Variants in TANC2 observed in about 807,000 individuals in gnomAD.
TANC2 encodes tetratricopeptide repeat, ankyrin repeat and coiled-coil containing 2.
TANC2 carries 26 observed loss-of-function variants against 210.5 expected under a neutral mutation model. The ratio of observed to expected loss-of-function variants is 0.12; its 90% CI spans 0.09 to 0.17. The LOEUF (loss-of-function observed/expected upper bound fraction) is 0.17. Among genes scored for constraint, TANC2 ranks in the 10% least tolerant of loss-of-function variants. The pLI, the probability that TANC2 is intolerant of heterozygous loss-of-function variation, is 1.00. For synonymous variants in TANC2, 931 were observed against 967.1 expected, an observed-to-expected ratio of 0.96 and a Z score of 0.69; for missense variants, 2,129 against 2,608.9, an observed-to-expected ratio of 0.82 and a Z score of 4.01.
chr17:63,210,402 C>T (rs2041848628), intron 7 of TANC2, among the ~76,000 whole-genome samples: 1 of 152,224 alleles, frequency 6.6e-6, no homozygotes, highest in Admixed American at 6.5e-5. Context: ...TTATCCCTCC[C>T]TTCTCTGGAT....
intron 7 of TANC2, among the ~76,000 whole-genome samples, chr17:63,230,132 C>T (rs2042433970): frequency 6.6e-6 from 1 of 152,026 alleles, no homozygotes; most frequent in African/African-American, 2.4e-5. Flanking sequence ...GTGGTGATAT[C>T]CCTTTTATCA....
chr17:63,130,842 T>C (rs1035213141), intron 4 of TANC2: 6 of 152,220 alleles, frequency 3.9e-5, no homozygotes, highest in Non-Finnish European at 7.3e-5. Context: ...TGTGGTAATA[T>C]ACATACCTTA....
chr17:63,187,894 G>C (rs1025470850), intron 5 of TANC2, among the ~76,000 whole-genome samples: 2 of 152,130 alleles, frequency 1.3e-5, no homozygotes, highest in Non-Finnish European at 2.9e-5. Context: ...TTTAGGAATA[G>C]CATCTTTAAA....
chr17:63,338,238 G>A (rs895513246), intron 11 of TANC2, among the ~76,000 whole-genome samples: 8 of 152,290 alleles, frequency 5.3e-5, no homozygotes, highest in African/African-American at 1.9e-4. Flanking sequence ...CACCAACAGT[G>A]TATAAGCATT....
At position 63,119,140 on chromosome 17, in the gene TANC2, G is replaced by A. The variant is rs112835392; in HGVS notation, c.322+19783G>A. Among the ~76,000 whole-genome samples the A allele has an allele frequency of 2.1e-3, 322 of 152,204 alleles. 1 individual carries two copies. The highest frequency in any genetic ancestry group is 7.1e-3 in the African/African-American group (293 of 41,536). On this transcript the variant is annotated intron_variant, in intron 4 of 27. Coordinates refer to ENST00000689528, the Ensembl canonical transcript of TANC2. The stretch of plus-strand genomic sequence containing the variant: ...GATGAAGTCTCATGTTGCCTAGGCT[G>A]ATCTCAAACTTGGGCTCAAGCAGTC...
At chr17:63,255,879 CATT>C (rs1188872361) in intron 8 of TANC2, among the ~76,000 whole-genome samples, 1 of 144,308 alleles carries the variant, frequency 6.9e-6, no homozygotes, top group Non-Finnish European at 1.5e-5. Flanking sequence ...TAAGAAGCAT[CATT>C]AAGTTGTTTA....
chr17:63,137,682 C>A (rs1255446637), intron 4 of TANC2, among the ~76,000 whole-genome samples: 1 of 152,110 alleles, frequency 6.6e-6, no homozygotes, highest in Non-Finnish European at 1.5e-5. Context: ...TGCTTTGATT[C>A]TCTATACTAT....
intron 7 of TANC2, among the ~76,000 whole-genome samples, chr17:63,218,817 C>T (rs757626804): frequency 1.4e-4 from 21 of 151,948 alleles, no homozygotes; most frequent in Admixed American, 2.6e-4. Context: ...TCGCTAGAAC[C>T]CAGGAGACAG....
chr17:62,996,999 T>TTTTTTTTTTTTTTTTTTTTG (rs1241944607), intron 1 of TANC2, among the ~76,000 whole-genome samples: 7 of 144,132 alleles, frequency 4.9e-5, no homozygotes, highest in African/African-American at 7.9e-5. Flanking sequence ...ATTTTTAGTA[T>TTTTTTTTTTTTTTTTTTTTG]AGATGGGGTT....
At chr17:63,154,506 T>C (rs776266553) in intron 5 of TANC2, 5 of 152,160 alleles carry the variant, frequency 3.3e-5, no homozygotes, top group Non-Finnish European at 5.9e-5. Flanking sequence ...CTACACTCTA[T>C]CACTTTTCTA....
intron 9 of TANC2, among the ~76,000 whole-genome samples, chr17:63,279,866 T>G (rs575562135): frequency 1.2e-3 from 178 of 152,232 alleles, no homozygotes; most frequent in Non-Finnish European, 2.1e-3. Context: ...GGTCTTAGAT[T>G]GAGAATCATC....
intron 1 of TANC2, among the ~76,000 whole-genome samples, chr17:62,989,330 C>G (rs2032736423): frequency 1.3e-5 from 2 of 152,144 alleles, no homozygotes; most frequent in Non-Finnish European, 2.9e-5. Flanking sequence ...GGCGGCATTG[C>G]CATCTGTATT....
intron 14 of TANC2, among the ~76,000 whole-genome samples, 177 bp from the exon 15 acceptor site, chr17:63,379,541 C>T (rs1291773335): frequency 2.0e-5 from 3 of 152,082 alleles, no homozygotes; most frequent in South Asian, 2.1e-4. Flanking sequence ...TGGTGGCAGG[C>T]GCCTGTAATC....
rs574908920 is a variant in TANC2, at chr17:63,052,103, A to G, written c.68-21840A>G. ...GAAAGTCTATGTAGGAAGAGGAATG[A>G]CATCTTTCAGTAAAAGGAACTTGTT... On this transcript the variant is annotated intron_variant, in intron 2 of 27. Coordinates refer to ENST00000689528, the Ensembl canonical transcript of TANC2. Among the ~76,000 whole-genome samples the G allele has an allele frequency of 2.6e-5, 4 of 152,290 alleles. No individual in the cohort carries two copies. In the South Asian group the frequency reaches 8.3e-4, roughly 32 times the overall value.
chr17:63,353,492 ATGT>A (rs2046682850), intron 13 of TANC2, among the ~76,000 whole-genome samples: 1 of 152,150 alleles, frequency 6.6e-6, no homozygotes, highest in African/African-American at 2.4e-5. Flanking sequence ...CCAAATGTAA[ATGT>A]TGAGTAGACA....
intron 13 of TANC2, among the ~76,000 whole-genome samples, chr17:63,353,365 GA>G (rs529317617): frequency 8.3e-4 from 127 of 152,284 alleles, no homozygotes; most frequent in Admixed American, 1.6e-3. Context: ...AAAGATCACA[GA>G]TATCTTCTAG....
chr17:63,349,917 TAC>T (rs2046544079), intron 12 of TANC2, among the ~76,000 whole-genome samples: 1 of 152,214 alleles, frequency 6.6e-6, no homozygotes, highest in South Asian at 2.1e-4. Flanking sequence ...TCATCTAGAA[TAC>T]CACTCCATTA....
At chr17:63,390,651 G>T (rs1388221966) in intron 17 of TANC2, 1 of 152,082 alleles carries the variant, frequency 6.6e-6, no homozygotes, top group African/African-American at 2.4e-5. Flanking sequence ...TTTTGTAGAG[G>T]CAGGGTCTTG....
At chr17:63,080,699 G>A (rs369945951) in intron 3 of TANC2, among the ~76,000 whole-genome samples, 32 of 152,254 alleles carry the variant, frequency 2.1e-4, no homozygotes, top group African/African-American at 7.5e-4. Flanking sequence ...TTATTCTTCA[G>A]TCTGGAAAGT....
Sources: gnomAD v4.1 joint callset for allele counts (sites outside exome capture counted in the v4.1 genomes callset) on GRCh38, gnomAD v4.1.1 for gene constraint, MANE v1.5 for transcripts, NCBI Gene and HGNC (gene_info 2026-07-23, HGNC 2026-07-21) for gene names.